Variants in MGAT4C observed in about 807,000 individuals in gnomAD.
MGAT4C encodes alpha-1,3-mannosyl-glycoprotein 4-beta-N-acetylglucosaminyltransferase C.
A neutral mutation model predicts 40.1 loss-of-function variants in MGAT4C; 19 were observed. That is an observed-to-expected ratio of 0.47 (90% CI 0.33 to 0.70). MGAT4C has a LOEUF of 0.70. Ranked by LOEUF, MGAT4C falls within the 30% of genes least tolerant of loss-of-function variation. The pLI, the probability that MGAT4C is intolerant of heterozygous loss-of-function variation, is 0.02. For missense variants in MGAT4C, 491 were observed against 563.2 expected, an observed-to-expected ratio of 0.87 and a Z score of 1.30; for synonymous variants, 181 against 187.1, an observed-to-expected ratio of 0.97 and a Z score of 0.27.
chr12:86,325,900 A>G (rs1954515960), intron 4 of MGAT4C, among the ~76,000 whole-genome samples: 1 of 151,756 alleles, frequency 6.6e-6, no homozygotes, highest in South Asian at 2.1e-4. Context: ...AAAAATAATA[A>G]TGCTTGACAC....
chr12:86,055,990 T>C (rs912311166), intron 1 of MGAT4C, among the ~76,000 whole-genome samples: 4 of 152,124 alleles, frequency 2.6e-5, no homozygotes, highest in African/African-American at 7.2e-5. Flanking sequence ...TGACACTCTC[T>C]AGCTAAGTAA....
At chr12:86,664,091 G>A (rs552444449) in intron 2 of MGAT4C, among the ~76,000 whole-genome samples, 7 of 151,686 alleles carry the variant, frequency 4.6e-5, no homozygotes, top group Admixed American at 2.0e-4. Context: ...ACAAACTGCT[G>A]GGATTCTGAA....
intron 2 of MGAT4C, chr12:86,028,292 C>A: frequency 3.3e-6 from 2 of 610,300 alleles, no homozygotes; most frequent in Non-Finnish European, 5.1e-6. Context: ...ACAGCATTCC[C>A]AACACCATGC....
chr12:86,038,410 A>G (rs150972785), intron 2 of MGAT4C, among the ~76,000 whole-genome samples: 2 of 149,842 alleles, frequency 1.3e-5, no homozygotes, highest in African/African-American at 4.8e-5. Context: ...AACTTGTTTC[A>G]TGAATCTGTG....
chr12:86,627,091 C>T (rs1275452680), intron 2 of MGAT4C, among the ~76,000 whole-genome samples: 1 of 152,212 alleles, frequency 6.6e-6, no homozygotes, highest in Non-Finnish European at 1.5e-5. Flanking sequence ...TCAGCTGGTC[C>T]CATGCCCACA....
chr12:86,589,697 T>C (rs976591354), intron 2 of MGAT4C, among the ~76,000 whole-genome samples: 2 of 152,012 alleles, frequency 1.3e-5, no homozygotes, highest in African/African-American at 4.8e-5. Flanking sequence ...ATCAAAAAGC[T>C]TATCCACCAT....
chr12:86,582,279 T>C (rs898102684), intron 2 of MGAT4C, among the ~76,000 whole-genome samples: 5 of 151,492 alleles, frequency 3.3e-5, no homozygotes, highest in Non-Finnish European at 7.4e-5. Context: ...TTTTTTAGAA[T>C]GTTATAACTT....
chr12:86,233,743 T>G (rs868853343), intron 1 of MGAT4C, among the ~76,000 whole-genome samples: 1 of 152,184 alleles, frequency 6.6e-6, no homozygotes, highest in South Asian at 2.1e-4. Flanking sequence ...GAAAAACTCA[T>G]GAAAATAACT....
At chr12:86,308,637 A>C (rs1185537010) in intron 4 of MGAT4C, among the ~76,000 whole-genome samples, 6 of 150,682 alleles carry the variant, frequency 4.0e-5, no homozygotes, top group African/African-American at 1.5e-4. Flanking sequence ...TAGATTTTTA[A>C]AATGGCAAAA....
At chr12:86,079,605 A>G (rs754929664) in intron 1 of MGAT4C, among the ~76,000 whole-genome samples, 7 of 152,138 alleles carry the variant, frequency 4.6e-5, no homozygotes, top group Non-Finnish European at 7.4e-5. Flanking sequence ...TGTGAGTTCT[A>G]TATTCAGCAA....
At chr12:86,191,340 C>T (rs1426251178) in intron 1 of MGAT4C, among the ~76,000 whole-genome samples, 4 of 151,670 alleles carry the variant, frequency 2.6e-5, no homozygotes, top group Non-Finnish European at 5.9e-5. Context: ...TGTGGTGTGA[C>T]GTGGCAAGAA....
At chr12:86,093,731 AAACAACAACAACAAC>A (rs35399411) in intron 1 of MGAT4C, among the ~76,000 whole-genome samples, 85,826 of 149,416 alleles carry the variant, frequency 0.57, 25,361 homozygotes, top group East Asian at 0.92. Context: ...CTCCGTCTAA[AAACAACAACAACAAC>A]AACAACAACA....
chr12:86,824,974 C>T (rs1274078965), intron 1 of MGAT4C, among the ~76,000 whole-genome samples: 1 of 151,086 alleles, frequency 6.6e-6, no homozygotes, highest in Non-Finnish European at 1.5e-5. Flanking sequence ...TTTGAATACA[C>T]AAGAAATATT....
intron 1 of MGAT4C, among the ~76,000 whole-genome samples, chr12:86,091,416 T>C (rs1250329736): frequency 6.6e-6 from 1 of 152,088 alleles, no homozygotes; most frequent in Non-Finnish European, 1.5e-5. Flanking sequence ...TTATGAAGCA[T>C]TAATGCACTT....
chr12:86,226,753 T>C (rs76548310), intron 1 of MGAT4C, among the ~76,000 whole-genome samples: 19,444 of 151,866 alleles, frequency 0.13, 2,822 homozygotes, highest in African/African-American at 0.36. Context: ...ACACCTCTTT[T>C]ACAGTTGGAC....
chr12:86,144,491 C>T (rs1488495663), intron 1 of MGAT4C, among the ~76,000 whole-genome samples: 3 of 152,040 alleles, frequency 2.0e-5, no homozygotes, highest in Admixed American at 6.6e-5. Context: ...GTATGTGTGA[C>T]CAAGGGGTTT....
intron 1 of MGAT4C, among the ~76,000 whole-genome samples, chr12:86,810,787 T>C (rs894342032): frequency 6.6e-6 from 1 of 152,010 alleles, no homozygotes; most frequent in African/African-American, 2.4e-5. Flanking sequence ...GAGAGATATA[T>C]GTCTATAGTT....
chr12:86,094,209 A>G (rs1216601202), intron 1 of MGAT4C, among the ~76,000 whole-genome samples: 2 of 152,174 alleles, frequency 1.3e-5, no homozygotes, highest in African/African-American at 4.8e-5. Flanking sequence ...GAGAGAAAAT[A>G]AGGTTGTAAA....
At chr12:86,567,979 G>A (rs983648001) in intron 2 of MGAT4C, among the ~76,000 whole-genome samples, 25 of 152,126 alleles carry the variant, frequency 1.6e-4, no homozygotes, top group African/African-American at 5.3e-4. Flanking sequence ...ATTATGTTAG[G>A]TGTAATTAAG....
Sources: allele counts gnomAD v4.1 joint callset (sites outside exome capture counted in the v4.1 genomes callset), GRCh38; gene constraint gnomAD v4.1.1; transcripts MANE v1.5; gene names NCBI Gene and HGNC (gene_info 2026-07-23, HGNC 2026-07-21).